BLCAP: variants seen among roughly 807,000 people sequenced by gnomAD.
BLCAP encodes the protein BLCAP apoptosis inducing factor.
Under a neutral mutation model 5.7 loss-of-function variants are expected in BLCAP, and 1 was observed. The observed-to-expected ratio is 0.18, with a 90% CI of 0.06 to 0.83. BLCAP has a LOEUF of 0.83. Among genes scored for constraint, BLCAP ranks in the 40% least tolerant of loss-of-function variants. The pLI is 0.71. For missense variants in BLCAP, 66 were observed against 107.6 expected, an observed-to-expected ratio of 0.61 and a Z score of 1.71; for synonymous variants, 48 against 49.4, an observed-to-expected ratio of 0.97 and a Z score of 0.11.
At position 37,525,616 on chromosome 20, in the gene BLCAP, G is replaced by C. The variant is rs558855509; in HGVS notation, c.-177+2177C>G. Among the ~76,000 whole-genome samples, 5 of 152,318 alleles carry C rather than the reference G, an allele frequency of 3.3e-5. No individual in the cohort carries two copies. In the South Asian group the frequency reaches 1.0e-3, roughly 32 times the overall value. On this transcript the variant is annotated intron_variant, in intron 1 of 1. Coordinates refer to ENST00000373537, the MANE Select transcript of BLCAP (RefSeq NM_006698.4). ...ACCCACAAAACTTCATGTTCTGGCAGCAAACTTAACCCACCAGAGAAGACA... is the reference window on the plus strand; with the variant it reads ...ACCCACAAAACTTCATGTTCTGGCACCAAACTTAACCCACCAGAGAAGACA...
intron 1 of BLCAP, among the ~76,000 whole-genome samples, chr20:37,520,747 C>A (rs1011635219): frequency 6.6e-6 from 1 of 152,220 alleles, no homozygotes; most frequent in Non-Finnish European, 1.5e-5. Flanking sequence ...AAGCAGAGGA[C>A]CTGGGCTTAA....
At chr20:37,522,501 GCT>G (rs2147190830) in intron 1 of BLCAP, 1 of 1,529,296 alleles carries the variant, frequency 6.5e-7, no homozygotes, top group South Asian at 1.1e-5. Context: ...AGTTGGAAAA[GCT>G]CCAGCTGCCC....
chr20:37,521,392 G>A lies in BLCAP; in HGVS notation c.-176-2042C>T, dbSNP rs1270470481. 1.2e-6 allele frequency: 2 copies of A among 1,614,000 alleles called. No individual in the cohort carries two copies. Among genetic ancestry groups the A allele is most frequent in the African/African-American group, 1.3e-5 (1 of 74,914 alleles). ...CATCATCGGCTGGTACATCTTCCGC[G>A]TGCTGCTGCAGGTAAGTCTGACGGG... On this transcript the variant is annotated intron_variant, in intron 1 of 1. Coordinates refer to ENST00000373537, the MANE Select transcript of BLCAP (RefSeq NM_006698.4). This position sits in a 1 kb window ranked among gnomAD's most constrained non-coding sequence, Gnocchi z 4.5.
At chr20:37,523,639 CT>C (rs1328034044) in intron 1 of BLCAP, 1 of 152,708 alleles carries the variant, frequency 6.5e-6, no homozygotes. Flanking sequence ...AGTACCTCCC[CT>C]GTCTCGCACA....
In BLCAP at chr20:37,518,964, A is replaced by C; in HGVS notation, c.211T>G (p.Ser71Ala). The C allele has an allele frequency of 6.2e-7, 1 of 1,614,220 alleles. No homozygotes were observed. Among genetic ancestry groups the C allele is most frequent in the Non-Finnish European group, 8.5e-7 (1 of 1,180,044 alleles). ...CWGNCFLYHC[S>A]DSPLPESAHD... ...GCCGATTCTGGAAGCGGGGAATCGGAGCAGTGGTACAGGAAACAGTTTCCC... is the reference window on the plus strand; with the variant it reads ...GCCGATTCTGGAAGCGGGGAATCGGCGCAGTGGTACAGGAAACAGTTTCCC... The change falls in exon 2 of 2, where the codon TCC becomes GCC. Residue 71 changes from serine (S) to alanine (A), a missense_variant. Physicochemically the swap from Ser to Ala is moderately conservative, Grantham distance 99. Coordinates refer to ENST00000373537, the MANE Select transcript of BLCAP (RefSeq NM_006698.4).
In BLCAP at chr20:37,518,860, A is replaced by G. The variant is rs772628077; in HGVS notation, c.*51T>C. The G allele has an allele frequency of 5.6e-6, 9 of 1,595,850 alleles. No individual in the cohort carries two copies. The highest frequency in any genetic ancestry group is 2.3e-5 in the South Asian group (2 of 88,156). ...CTCCAATGCTTTATGACCTATGTCAATGCCTCCCCTCCCGTCTTCTGCTTC... is the reference window on the plus strand; with the variant it reads ...CTCCAATGCTTTATGACCTATGTCAGTGCCTCCCCTCCCGTCTTCTGCTTC... On this transcript the variant is annotated 3_prime_UTR_variant, in exon 2 of 2. Transcript: ENST00000373537.
At position 37,518,643 on chromosome 20, in the gene BLCAP, G is replaced by A; in HGVS notation, c.*268C>T. The A allele has an allele frequency of 4.1e-6, 2 of 488,616 alleles. No homozygotes were observed. The highest frequency in any genetic ancestry group is 3.5e-5 in the Admixed American group (1 of 28,438). The allele number at this position is 488,616 out of a possible 1,614,324, so 30.3% of individuals were successfully genotyped here. On this transcript the variant is annotated 3_prime_UTR_variant, in exon 2 of 2. Transcript: ENST00000373537. ...CAGACTCCTCACAGTAATGAGGCGA[G>A]AGGGGTGGTCATGCGGCCAGCCAGG...
At position 37,522,548 on chromosome 20, in the gene BLCAP, T is replaced by C. The variant is rs574034375; in HGVS notation, c.-176-3198A>G. ...GACAAGCTGCGCCCGCGCCCGCCTC[T>C]CCAGCCTACGCTGGATGGGCGGGCG... On this transcript the variant is annotated intron_variant, in intron 1 of 1. Transcript: ENST00000373537. 74 of 981,696 alleles carry C rather than the reference T, an allele frequency of 7.5e-5. No individual in the cohort carries two copies. The African/African-American group carries it at 1.3e-3, about 18-fold the overall frequency. The allele number at this position is 981,696 out of a possible 1,614,324, so 60.8% of individuals were successfully genotyped here.
Position 37,517,759 on chromosome 20 carries a change from T to C in BLCAP, c.*1152A>G, listed in dbSNP as rs2071431237. On this transcript the variant is annotated 3_prime_UTR_variant, in exon 2 of 2. Coordinates refer to ENST00000373537, the MANE Select transcript of BLCAP (RefSeq NM_006698.4). The stretch of plus-strand genomic sequence containing the variant: ...TATTCTTCATAATGTACAGTCTATA[T>C]GCGCAGGAACGAAGAAGCTCCTGGC... The C allele has an allele frequency of 6.5e-6, 1 of 152,716 alleles. No homozygotes were observed. Among genetic ancestry groups the C allele is most frequent in the South Asian group, 2.1e-4 (1 of 4,836 alleles). The allele number at this position is 152,716 out of a possible 1,614,324, so 9.5% of individuals were successfully genotyped here.
At chr20:37,526,355 T>C (rs2071721210) in intron 1 of BLCAP, among the ~76,000 whole-genome samples, 1 of 120,114 alleles carries the variant, frequency 8.3e-6, no homozygotes, top group South Asian at 2.8e-4. Context: ...CAAACAACAA[T>C]CTCTTTTCCC....
intron 1 of BLCAP, chr20:37,520,432 A>T (rs941727818): frequency 6.6e-6 from 1 of 152,288 alleles, no homozygotes; most frequent in Non-Finnish European, 1.5e-5. Flanking sequence ...GCTAAGGCCG[A>T]CCTACCAGGG....
chr20:37,526,271 T>TCCCC (rs11477433), intron 1 of BLCAP, among the ~76,000 whole-genome samples: 50 of 125,094 alleles, frequency 4.0e-4, no homozygotes, highest in Non-Finnish European at 5.3e-4. Flanking sequence ...GCAGTTAACT[T>TCCCC]CCCCCCCCCA....
At chr20:37,520,600 T>C (rs2071534000) in intron 1 of BLCAP, 1 of 152,340 alleles carries the variant, frequency 6.6e-6, no homozygotes, top group Non-Finnish European at 1.5e-5. Flanking sequence ...ACCGGGTGAC[T>C]ACTGCTTTTG....
Position 37,521,905 on chromosome 20 carries a change from CAA to C in BLCAP, c.-176-2557_-176-2556del, listed in dbSNP as rs113961648. Among the ~76,000 whole-genome samples the C allele has an allele frequency of 9.1e-6, 1 of 110,320 alleles. No homozygotes were observed. Among genetic ancestry groups the C allele is most frequent in the Non-Finnish European group, 2.0e-5 (1 of 50,672 alleles). The allele number at this position is 110,320 out of a possible 152,430, so 72.4% of individuals were successfully genotyped here. On this transcript the variant is annotated intron_variant, in intron 1 of 1. Transcript: ENST00000373537. This position sits in a 1 kb window ranked among gnomAD's most constrained non-coding sequence, Gnocchi z 4.5. ...CTCAGAAAAAATAAAAATTACTTCG[CAA>C]AAAAAAAAAACCCTACAACGAATTA... is the stretch of plus-strand genomic sequence containing the variant.
chr20:37,522,598 G>GGGGGGGGGCCCC, intron 1 of BLCAP: 1 of 864,432 alleles, frequency 1.2e-6, no homozygotes, highest in Non-Finnish European at 1.7e-6. Context: ...GCGGGGGTGG[G>GGGGGGGGGCCCC]CACGGCAGCA....
chr20:37,525,245 C>G (rs930017233), intron 1 of BLCAP, among the ~76,000 whole-genome samples: 1 of 152,192 alleles, frequency 6.6e-6, no homozygotes, highest in African/African-American at 2.4e-5. Context: ...CCCTTCGGAG[C>G]TTTTGAGGGG....
In BLCAP at chr20:37,521,477, A is replaced by G. The variant is rs2071569960; in HGVS notation, c.-176-2127T>C. On this transcript the variant is annotated intron_variant, in intron 1 of 1. Transcript: ENST00000373537. The surrounding 1 kb of genome is among the most constrained non-coding windows in gnomAD (Gnocchi z 4.5). The stretch of plus-strand genomic sequence containing the variant: ...CTAGAACCCGCAAGACTGCGTCGCG[A>G]TTGCCGCTTCCCGGACCCGTCCTAT... The G allele has an allele frequency of 1.4e-6, 2 of 1,445,460 alleles. No homozygotes were observed. The highest frequency in any genetic ancestry group is 1.7e-5 in the Admixed American group (1 of 59,632). 89.5% of individuals were successfully genotyped at this position (1,445,460 alleles called of 1,614,324 possible). A position where few individuals can be genotyped will look rare whatever the true frequency, so the allele number is the denominator to read the frequency against.
At chr20:37,525,066 A>C (rs963772228) in intron 1 of BLCAP, among the ~76,000 whole-genome samples, 11 of 152,198 alleles carry the variant, frequency 7.2e-5, no homozygotes, top group Non-Finnish European at 1.5e-5. Context: ...AAGGTGAGGC[A>C]GGTCTCCTCT....
chr20:37,526,274 C>T (rs921088124), intron 1 of BLCAP, among the ~76,000 whole-genome samples: 1 of 146,694 alleles, frequency 6.8e-6, no homozygotes, highest in African/African-American at 2.5e-5. Flanking sequence ...GTTAACTTCC[C>T]CCCCCCACCG....
Sources: allele counts gnomAD v4.1 joint callset (sites outside exome capture counted in the v4.1 genomes callset), GRCh38; gene constraint gnomAD v4.1.1; non-coding constraint Gnocchi (gnomAD v3.1); transcripts MANE v1.5; gene names NCBI Gene and HGNC (gene_info 2026-07-23, HGNC 2026-07-21).